The following CC2D2B variants were observed in gnomAD, a reference collection of about 807,000 sequenced individuals.
The protein encoded by CC2D2B is coiled-coil and C2 domain containing 2B, also known as protein CC2D2B.
In CC2D2B, 128 loss-of-function variants were observed where a neutral mutation model predicts 161.2. That is an observed-to-expected ratio of 0.79 (90% CI 0.69 to 0.92). CC2D2B has a LOEUF of 0.92. CC2D2B is among the 40% of genes least tolerant of loss of function. CC2D2B has a pLI of 0.00. For synonymous variants in CC2D2B, 391 were observed against 449.8 expected, an observed-to-expected ratio of 0.87 and a Z score of 1.65; for missense variants, 1,173 against 1,375.1, an observed-to-expected ratio of 0.85 and a Z score of 2.32.
intron 9 of CC2D2B, among the ~76,000 whole-genome samples, chr10:95,946,754 T>G (rs1213373683): frequency 6.6e-6 from 1 of 152,018 alleles, no homozygotes; most frequent in Non-Finnish European, 1.5e-5. Flanking sequence ...AGGCAGAGAT[T>G]TAGGCACCGT....
intron 32 of CC2D2B, chr10:96,022,454 A>G (rs1030780046): frequency 1.3e-5 from 2 of 152,200 alleles, no homozygotes; most frequent in East Asian, 1.9e-4. Flanking sequence ...AGGTATTTTT[A>G]TATTTCCTAC....
chr10:95,985,516 T>C (rs2077683223), intron 19 of CC2D2B, among the ~76,000 whole-genome samples: 1 of 152,242 alleles, frequency 6.6e-6, no homozygotes, highest in South Asian at 2.1e-4. Flanking sequence ...TGATTTCCTA[T>C]GCCTGTCTTT....
chr10:95,946,228 T>C (rs538926496), intron 9 of CC2D2B, among the ~76,000 whole-genome samples: 1 of 152,226 alleles, frequency 6.6e-6, no homozygotes, highest in Non-Finnish European at 1.5e-5. Flanking sequence ...CTACAGTCAC[T>C]TCCACCTTTA....
chr10:96,011,232 A>T (rs920428526), intron 26 of CC2D2B, among the ~76,000 whole-genome samples: 3 of 152,190 alleles, frequency 2.0e-5, no homozygotes, highest in Non-Finnish European at 4.4e-5. Flanking sequence ...ATAGGAATAC[A>T]CATTGTTGGA....
intron 17 of CC2D2B, among the ~76,000 whole-genome samples, chr10:95,977,894 G>C (rs1480900060): frequency 6.6e-6 from 1 of 152,164 alleles, no homozygotes; most frequent in African/African-American, 2.4e-5. Context: ...ACAGAAAGTG[G>C]AATAAAGGTT....
At chr10:95,945,698 C>G (rs955365416) in intron 9 of CC2D2B, among the ~76,000 whole-genome samples, 1 of 151,776 alleles carries the variant, frequency 6.6e-6, no homozygotes, top group Non-Finnish European at 1.5e-5. Flanking sequence ...GCCTATTTAA[C>G]TCACTCGGTC....
chr10:95,961,093 A>G (rs559337819), intron 11 of CC2D2B, among the ~76,000 whole-genome samples: 1 of 152,318 alleles, frequency 6.6e-6, no homozygotes, highest in Non-Finnish European at 1.5e-5. Context: ...TTTTTTGTAA[A>G]TAGTGAAGTG....
At chr10:95,975,599 G>C (rs977127492) in intron 17 of CC2D2B, among the ~76,000 whole-genome samples, 1 of 152,184 alleles carries the variant, frequency 6.6e-6, no homozygotes, top group South Asian at 2.1e-4. Flanking sequence ...CAATATATTG[G>C]AAAGAGTATA....
intron 12 of CC2D2B, among the ~76,000 whole-genome samples, chr10:95,963,496 G>A (rs902175211): frequency 1.3e-5 from 2 of 152,148 alleles, no homozygotes; most frequent in African/African-American, 2.4e-5. Context: ...GGGCAGCTAC[G>A]TGCATGGTCT....
At chr10:95,985,480 T>C (rs552894760) in intron 19 of CC2D2B, among the ~76,000 whole-genome samples, 2 of 152,310 alleles carry the variant, frequency 1.3e-5, no homozygotes, top group Admixed American at 1.3e-4. Context: ...CATGGACACT[T>C]ATCACTTCCC....
chr10:95,928,560 C>A (rs776525522), intron 6 of CC2D2B, among the ~76,000 whole-genome samples: 1 of 152,118 alleles, frequency 6.6e-6, no homozygotes, highest in Non-Finnish European at 1.5e-5. Flanking sequence ...CCTCCCCTCG[C>A]CCCCACCCCC....
rs2079347570 is a variant in CC2D2B at position 96,019,237 on chromosome 10, A to G, written c.3665A>G (p.Asn1222Ser). The G allele has an allele frequency of 6.2e-7, 1 of 1,612,046 alleles. No individual in the cohort carries two copies. Among genetic ancestry groups the G allele is most frequent in the Admixed American group, 1.7e-5 (1 of 59,600 alleles). ...GCTTATGTAGTAACTCAAGAAACTA[A>G]TGAATATTTGCTTTGGAATCCATCA... ...HVAYVVTQET[N>S]EYLLWNPSTG... The change falls in exon 31 of 35, where the codon AAT (asparagine) becomes AGT (serine). Residue 1222 changes from asparagine to serine, a missense_variant. Physicochemically the swap from Asn to Ser is conservative, Grantham distance 46. Transcript: ENST00000646931.
intron 12 of CC2D2B, 93 bp from the exon 13 acceptor site, chr10:95,965,785 TTGTGTGTGTGTGTGTGTG>T (rs59230785): frequency 2.6e-5 from 9 of 344,348 alleles, no homozygotes; most frequent in Middle Eastern, 7.4e-4. Context: ...GAGATTGGTT[TTGTGTGTGTGTGTGTGTG>T]TGTGTGTGTG....
chr10:95,922,517 A>T (rs1370111908), intron 3 of CC2D2B, among the ~76,000 whole-genome samples: 1 of 152,266 alleles, frequency 6.6e-6, no homozygotes, highest in Non-Finnish European at 1.5e-5. Context: ...AGTAATTTTT[A>T]AATTTTACCA....
chr10:95,938,723 C>A lies in CC2D2B; in HGVS notation c.672+18C>A. ...TAGAAGAGGCAAGTGCACCACCTAACAAGTTAAAACACTGGCTACTATGTG... is the reference window on the plus strand; with the variant it reads ...TAGAAGAGGCAAGTGCACCACCTAAAAAGTTAAAACACTGGCTACTATGTG... On this transcript the variant is annotated intron_variant, in intron 8 of 34. Coordinates refer to ENST00000646931, the MANE Select transcript of CC2D2B (RefSeq NM_001349008.3). 1 of 704,706 alleles carries A rather than the reference C, an allele frequency of 1.4e-6. No homozygotes were observed. 43.7% of individuals were successfully genotyped at this position (704,706 alleles called of 1,614,324 possible).
chr10:95,955,170 T>C (rs1038890070), intron 10 of CC2D2B, among the ~76,000 whole-genome samples: 2 of 152,084 alleles, frequency 1.3e-5, no homozygotes, highest in African/African-American at 4.8e-5. Context: ...ATACTAGATG[T>C]TATTAGATAC....
intron 6 of CC2D2B, among the ~76,000 whole-genome samples, chr10:95,931,110 T>C (rs892848312): frequency 6.6e-6 from 1 of 152,230 alleles, no homozygotes; most frequent in Non-Finnish European, 1.5e-5. Context: ...TGGTATAGTC[T>C]TGGGAGGGTG....
Position 96,031,836 on chromosome 10 carries a change from T to G in CC2D2B, c.4142T>G (p.Ile1381Ser). ...LQFYWVTGFPIQMPYIDVQSI... is the reference protein window; with the variant it reads ...LQFYWVTGFPSQMPYIDVQSI... ...TTGATCCAGGTCACGGGATTTCCCATCCAGATGCCATACATTGATGTACAG... is the reference window on the plus strand; with the variant it reads ...TTGATCCAGGTCACGGGATTTCCCAGCCAGATGCCATACATTGATGTACAG... Residue 1381 changes from isoleucine (I) to serine (S), a missense_variant, in exon 35 of 35, where the codon ATC becomes AGC. By Grantham distance (142) the Ile-to-Ser change is moderately radical (BLOSUM62 -2). Around this residue, in one of 3 missense-constraint regions of CC2D2B, gnomAD observed 598 missense variants for 693.2 expected, o/e 0.86. Transcript: ENST00000646931. 1.2e-6 allele frequency: 2 copies of G among 1,613,512 alleles called. No individual in the cohort carries two copies. The highest frequency in any genetic ancestry group is 1.7e-6 in the Non-Finnish European group (2 of 1,179,544).
chr10:95,987,858 G>T (rs927643629), intron 19 of CC2D2B, among the ~76,000 whole-genome samples: 1 of 152,172 alleles, frequency 6.6e-6, no homozygotes, highest in Non-Finnish European at 1.5e-5. Context: ...GGGCCAACTT[G>T]AACCTAGGAC....
Sources: gnomAD v4.1 joint callset for allele counts (sites outside exome capture counted in the v4.1 genomes callset) on GRCh38, gnomAD v4.1.1 for gene constraint, gnomAD v4.1.1 regional missense constraint, MANE v1.5 for transcripts, NCBI Gene and HGNC (gene_info 2026-07-23, HGNC 2026-07-21) for gene names.